The following RNF130 variants were observed in gnomAD, a reference collection of about 807,000 sequenced individuals.
RNF130 encodes the protein ring finger protein 130, also known as E3 ubiquitin-protein ligase RNF130.
A neutral mutation model predicts 44.6 loss-of-function variants in RNF130; 21 were observed. The ratio of observed to expected loss-of-function variants is 0.47; its 90% confidence interval spans 0.33 to 0.68. RNF130 has a LOEUF of 0.68. RNF130 is among the 30% of genes least tolerant of loss of function. The probability of loss-of-function intolerance (pLI) is 0.02; values close to 1 mark genes in which losing one functional copy is unlikely to be tolerated. For synonymous variants in RNF130, 214 were observed against 210.4 expected, an observed-to-expected ratio of 1.02 and a Z score of -0.15; for missense variants, 479 against 560.6, an observed-to-expected ratio of 0.85 and a Z score of 1.47.
At chr5:180,032,164 T>C (rs1049163234) in intron 2 of RNF130, among the ~76,000 whole-genome samples, 8 of 152,368 alleles carry the variant, frequency 5.3e-5, no homozygotes, top group Admixed American at 3.3e-4. Flanking sequence ...TTTCATTGTT[T>C]TTCAATGGTT....
intron 2 of RNF130, among the ~76,000 whole-genome samples, chr5:180,027,625 C>G (rs1764021495): frequency 6.6e-6 from 1 of 152,154 alleles, no homozygotes. Flanking sequence ...CACTGTCCCT[C>G]TCATCCTGAG....
intron 8 of RNF130, among the ~76,000 whole-genome samples, chr5:179,957,785 T>A (rs1762241098): frequency 6.6e-6 from 1 of 152,152 alleles, no homozygotes; most frequent in African/African-American, 2.4e-5. Flanking sequence ...GCAATACACC[T>A]CAAACAGAGG....
intron 3 of RNF130, chr5:179,980,411 G>C: frequency 1.9e-6 from 1 of 517,844 alleles, no homozygotes. Context: ...CACCCTGTTA[G>C]GTCAAACAGA....
At chr5:180,010,767 A>C (rs1763574930) in intron 3 of RNF130, among the ~76,000 whole-genome samples, 2 of 152,176 alleles carry the variant, frequency 1.3e-5, no homozygotes, top group Non-Finnish European at 2.9e-5. Flanking sequence ...TGTGGTTATA[A>C]AAGAGTAGCA....
chr5:180,031,868 C>T (rs1256303190), intron 2 of RNF130, among the ~76,000 whole-genome samples: 2 of 152,206 alleles, frequency 1.3e-5, no homozygotes, highest in African/African-American at 2.4e-5. Context: ...CATTTCTACT[C>T]GCAATACATA....
chr5:179,924,131 G>C (rs549161886), intron 7 of RNF130, among the ~76,000 whole-genome samples: 1 of 151,046 alleles, frequency 6.6e-6, no homozygotes, highest in East Asian at 2.0e-4. Flanking sequence ...GATCGCTTGA[G>C]CCCGGGAGTT....
At position 180,040,495 on chromosome 5, in the gene RNF130, T is replaced by C. The variant is rs773126673; in HGVS notation, c.400A>G (p.Asn134Asp). ...FHNAVAVVIY[N>D]NKSKEEPVTM... ...ACTGGCTCCTCTTTGGATTTATTAT[T>C]GTAGATGACTACAGCAACTGCATTG... The change falls in exon 2 of 9, where the codon AAT becomes GAT. Residue 134 changes from asparagine to aspartate, a missense_variant. Asn to Asp is a conservative substitution (Grantham distance 23, BLOSUM62 1). Transcript: ENST00000521389. 4 of 1,614,030 alleles carry C rather than the reference T, an allele frequency of 2.5e-6. No individual in the cohort carries two copies. The South Asian group carries it at 3.3e-5, about 13-fold the overall frequency.
intron 3 of RNF130, among the ~76,000 whole-genome samples, chr5:180,001,426 T>C (rs1763340899): frequency 6.6e-6 from 1 of 152,182 alleles, no homozygotes; most frequent in African/African-American, 2.4e-5. Flanking sequence ...GTGGGATATG[T>C]TACCCACATG....
chr5:180,062,716 G>A (rs1484429631), intron 1 of RNF130, among the ~76,000 whole-genome samples: 1 of 152,194 alleles, frequency 6.6e-6, no homozygotes, highest in Non-Finnish European at 1.5e-5. Context: ...GGGTTTGCCA[G>A]AGATGAATGT....
chr5:180,037,374 G>A (rs913630626), intron 2 of RNF130, among the ~76,000 whole-genome samples: 1 of 152,166 alleles, frequency 6.6e-6, no homozygotes, highest in South Asian at 2.1e-4. Flanking sequence ...GTGCTCCACC[G>A]TAGGCATCCA....
chr5:180,071,183 T>C (rs1765251967), intron 1 of RNF130, among the ~76,000 whole-genome samples: 1 of 152,226 alleles, frequency 6.6e-6, no homozygotes, highest in African/African-American at 2.4e-5. Context: ...TGCAAACTCC[T>C]AGCTCAATGC....
chr5:179,998,456 A>C (rs1763251217), intron 3 of RNF130, among the ~76,000 whole-genome samples: 1 of 152,130 alleles, frequency 6.6e-6, no homozygotes, highest in South Asian at 2.1e-4. Flanking sequence ...GTATGATTTT[A>C]ATTTTTAAAA....
chr5:179,968,192 G>A (rs992924804), intron 6 of RNF130, among the ~76,000 whole-genome samples: 1 of 152,184 alleles, frequency 6.6e-6, no homozygotes, highest in South Asian at 2.1e-4. Flanking sequence ...CTACTCGGGA[G>A]GCTGAGGCAA....
intron 1 of RNF130, among the ~76,000 whole-genome samples, chr5:180,047,137 T>A (rs1318001628): frequency 6.6e-6 from 1 of 152,204 alleles, no homozygotes; most frequent in Non-Finnish European, 1.5e-5. Context: ...TCAGCTATGG[T>A]CTGGTTGCTT....
intron 7 of RNF130, among the ~76,000 whole-genome samples, chr5:179,933,398 T>TTGTTTGTGTGTGTGTG (rs1554100040): frequency 0.018 from 2,586 of 143,486 alleles, 80 homozygotes; most frequent in African/African-American, 0.064. Flanking sequence ...ATAACCCTAT[T>TTGTTTGTGTGTGTGTG]TGTGTGTGTG....
At chr5:179,943,573 G>A (rs1019912890) in intron 7 of RNF130, among the ~76,000 whole-genome samples, 3 of 152,198 alleles carry the variant, frequency 2.0e-5, no homozygotes, top group African/African-American at 7.2e-5. Context: ...GGCGTAACAT[G>A]TATACTTTCA....
intron 7 of RNF130, among the ~76,000 whole-genome samples, chr5:179,944,883 A>T (rs1224659416): frequency 1.3e-5 from 2 of 152,232 alleles, no homozygotes; most frequent in East Asian, 3.9e-4. Context: ...GCATGACAGC[A>T]GGCCCTGTTT....
chr5:179,992,532 C>T (rs1175823633), intron 3 of RNF130, among the ~76,000 whole-genome samples: 2 of 152,116 alleles, frequency 1.3e-5, no homozygotes, highest in Non-Finnish European at 2.9e-5. Flanking sequence ...AAATAAAAAA[C>T]TTATCTTACT....
At chr5:179,925,934 T>C (rs1403925598) in intron 7 of RNF130, among the ~76,000 whole-genome samples, 1 of 152,130 alleles carries the variant, frequency 6.6e-6, no homozygotes, top group Admixed American at 6.6e-5. Context: ...ACAGTAGACA[T>C]ACATTTTCCA....
Sources: gnomAD v4.1 joint callset for allele counts (sites outside exome capture counted in the v4.1 genomes callset) on GRCh38, gnomAD v4.1.1 for gene constraint, MANE v1.5 for transcripts, NCBI Gene and HGNC (gene_info 2026-07-23, HGNC 2026-07-21) for gene names.